GCH1: variants seen among roughly 807,000 people sequenced by gnomAD.
The protein encoded by GCH1 is GTP cyclohydrolase 1, also known as GTP cyclohydrolase I.
Under a neutral mutation model 25.9 loss-of-function variants are expected in GCH1, and 5 were observed. The observed-to-expected ratio is 0.19, with a 90% CI of 0.10 to 0.41. The LOEUF (loss-of-function observed/expected upper bound fraction) is 0.41, where lower values mean the gene tolerates loss of function less well. Ranked by LOEUF, GCH1 falls within the 10% of genes least tolerant of loss-of-function variation. The pLI is 1.00. For synonymous variants in GCH1, 159 were observed against 129.6 expected (o/e 1.23, Z -1.54); for missense variants, 261 against 336.5 (o/e 0.78, Z 1.75).
At chr14:54,900,845 T>TCACA (rs3221690) in intron 1 of GCH1, among the ~76,000 whole-genome samples, 11,231 of 144,584 alleles carry the variant, frequency 0.078, 479 homozygotes, top group Admixed American at 0.11. Context: ...GTGAAATATC[T>TCACA]CACACACACA....
intron 1 of GCH1, among the ~76,000 whole-genome samples, chr14:54,889,118 T>G (rs1024090637): frequency 1.4e-4 from 22 of 152,308 alleles, no homozygotes; most frequent in African/African-American, 5.3e-4. Context: ...TCCTTGAAGC[T>G]GAAGGGCAGA....
chr14:54,859,869 T>G (rs552409923), intron 2 of GCH1, 133 bp from the exon 3 acceptor site: 17 of 689,392 alleles, frequency 2.5e-5, no homozygotes, highest in South Asian at 2.2e-4. Context: ...CTTGAAAACA[T>G]CTGGAACTGT....
At position 54,902,639 on chromosome 14, in the gene GCH1, G is replaced by C; in HGVS notation, c.25C>G (p.Pro9Ala). Reference sequence around the variant, plus strand: ...CTGGCGCCCCGCGGCTTCTCCGCCGGTGCCCGCACAGGGCCCTTCTCCATG... The same window carrying C: ...CTGGCGCCCCGCGGCTTCTCCGCCGCTGCCCGCACAGGGCCCTTCTCCATG... Reference protein sequence around the residue: MEKGPVRAPAEKPRGARCS... With the variant: MEKGPVRAAAEKPRGARCS... The change falls in exon 1 of 6, where the codon CCG (proline) becomes GCG (alanine). Residue 9 changes from proline to alanine, a missense_variant. By Grantham distance (27) the Pro-to-Ala change is conservative. Around this residue, in one of 3 missense-constraint regions of GCH1, gnomAD observed 125 missense variants for 128.7 expected, o/e 0.97. Transcript: ENST00000491895. The C allele has an allele frequency of 4.0e-6, 6 of 1,483,886 alleles. No homozygotes were observed. Among genetic ancestry groups the C allele is most frequent in the Non-Finnish European group, 5.3e-6 (6 of 1,121,662 alleles). The allele number at this position is 1,483,886 out of a possible 1,614,324, so 91.9% of individuals were successfully genotyped here. A position where few individuals can be genotyped will look rare whatever the true frequency, so the allele number is the denominator to read the frequency against.
rs2040590643 is a variant in GCH1, at chr14:54,902,775, A to C, written c.-112T>G. ...GGGCTGTGGCCGGAGTCACCTGAGGAAGGTACGCAACCTGCTTAGATCACA... is the reference window on the plus strand; with the variant it reads ...GGGCTGTGGCCGGAGTCACCTGAGGCAGGTACGCAACCTGCTTAGATCACA... On this transcript the variant is annotated 5_prime_UTR_variant, in exon 1 of 6. Coordinates refer to ENST00000491895, the MANE Select transcript of GCH1 (RefSeq NM_000161.3). 5 of 1,326,370 alleles carry C rather than the reference A, an allele frequency of 3.8e-6. No homozygotes were observed. In the African/African-American group the frequency reaches 7.7e-5, roughly 20 times the overall value. The allele number at this position is 1,326,370 out of a possible 1,614,324, so 82.2% of individuals were successfully genotyped here.
At chr14:54,900,402 G>A (rs2040547824) in intron 1 of GCH1, among the ~76,000 whole-genome samples, 1 of 150,910 alleles carries the variant, frequency 6.6e-6, no homozygotes, top group Non-Finnish European at 1.5e-5. Context: ...AGTAGAGACG[G>A]GGTTTCGCCA....
At chr14:54,855,824 C>T (rs1157498569) in intron 3 of GCH1, among the ~76,000 whole-genome samples, 4 of 151,926 alleles carry the variant, frequency 2.6e-5, no homozygotes, top group African/African-American at 7.3e-5. Flanking sequence ...AAAAAAACAC[C>T]AAATAAAATA....
At chr14:54,854,958 C>T (rs1594978489) in intron 3 of GCH1, among the ~76,000 whole-genome samples, 1 of 152,156 alleles carries the variant, frequency 6.6e-6, no homozygotes, top group Non-Finnish European at 1.5e-5. Flanking sequence ...TTCGGCTACC[C>T]TTTACCCATC....
chr14:54,873,909 A>AGAG, intron 1 of GCH1, among the ~76,000 whole-genome samples: 1 of 152,262 alleles, frequency 6.6e-6, no homozygotes, highest in Admixed American at 6.5e-5. Flanking sequence ...GAATTCTACC[A>AGAG]GACATATAAG....
Position 54,843,233 on chromosome 14 carries a change from G to C in GCH1, c.*784C>G, listed in dbSNP as rs2039587632. On this transcript the variant is annotated 3_prime_UTR_variant, in exon 6 of 6. Coordinates refer to ENST00000491895, the MANE Select transcript of GCH1 (RefSeq NM_000161.3). ...TAGTTATTTGCAGTGTGAGTACTAA[G>C]TCTCATAAAATAATGGCTTTTTTAA... is the stretch of plus-strand genomic sequence containing the variant. 9 of 1,405,062 alleles carry C rather than the reference G, an allele frequency of 6.4e-6. No individual in the cohort carries two copies. Among genetic ancestry groups the C allele is most frequent in the Non-Finnish European group, 8.3e-6 (9 of 1,085,420 alleles). 87.0% of individuals were successfully genotyped at this position (1,405,062 alleles called of 1,614,324 possible). A position where few individuals can be genotyped will look rare whatever the true frequency, so the allele number is the denominator to read the frequency against.
chr14:54,862,954 T>TATA (rs1566667740), intron 2 of GCH1, among the ~76,000 whole-genome samples: 1 of 152,094 alleles, frequency 6.6e-6, no homozygotes, highest in South Asian at 2.1e-4. Flanking sequence ...ACTTAACAGG[T>TATA]ATAACCAAAT....
intron 3 of GCH1, among the ~76,000 whole-genome samples, chr14:54,850,916 G>A (rs1173438882): frequency 1.3e-5 from 2 of 152,136 alleles, no homozygotes; most frequent in Non-Finnish European, 2.9e-5. Context: ...CTTTGCTATT[G>A]TGAATAGTGC....
intron 4 of GCH1, among the ~76,000 whole-genome samples, chr14:54,846,159 G>C (rs1470943135): frequency 6.6e-6 from 1 of 152,132 alleles, no homozygotes; most frequent in Non-Finnish European, 1.5e-5. Context: ...CACAGTACTG[G>C]TTACCAAGCA....
intron 3 of GCH1, among the ~76,000 whole-genome samples, chr14:54,852,792 G>GATAGTTCTACTATCTGCCCTCTTCC (rs1419099332): frequency 6.6e-6 from 1 of 152,054 alleles, no homozygotes; most frequent in East Asian, 1.9e-4. Flanking sequence ...TCCTATCTCT[G>GATAGTTCTACTATCTGCCCTCTTCC]ATAGTTCTAC....
At chr14:54,870,739 C>A (rs946204267) in intron 1 of GCH1, among the ~76,000 whole-genome samples, 1 of 152,206 alleles carries the variant, frequency 6.6e-6, no homozygotes, top group South Asian at 2.1e-4. Context: ...TCCCACAGAT[C>A]CTCGCTCATT....
intron 1 of GCH1, among the ~76,000 whole-genome samples, chr14:54,879,984 CAAAAAAAAAAAA>C (rs35476604): frequency 4.0e-5 from 2 of 49,590 alleles, no homozygotes; most frequent in Non-Finnish European, 7.8e-5. Context: ...GGCTCTGTCT[CAAAAAAAAAAAA>C]AAAAAAAAAA....
chr14:54,880,112 G>C (rs939848446), intron 1 of GCH1, among the ~76,000 whole-genome samples: 4 of 150,004 alleles, frequency 2.7e-5, no homozygotes, highest in Non-Finnish European at 5.9e-5. Context: ...CTGCACTCCA[G>C]TCTGGGCAAC....
chr14:54,882,285 T>C (rs1012583654), intron 1 of GCH1, among the ~76,000 whole-genome samples: 1 of 152,266 alleles, frequency 6.6e-6, no homozygotes, highest in African/African-American at 2.4e-5. Flanking sequence ...GAGATGTGCA[T>C]GGCAGTGGCC....
chr14:54,852,367 A>C (rs1407735828), intron 3 of GCH1, among the ~76,000 whole-genome samples: 1 of 152,232 alleles, frequency 6.6e-6, no homozygotes, highest in East Asian at 1.9e-4. Context: ...ATTCCAGTTC[A>C]AGGTCTCAAG....
At chr14:54,845,639 G>C (rs2039630784) in intron 5 of GCH1, 129 bp downstream of exon 5, 1 of 741,756 alleles carries the variant, frequency 1.3e-6, no homozygotes, top group Non-Finnish European at 2.5e-6. Context: ...TAGGCTCAGG[G>C]ATGGAAATCT....
Sources: gnomAD v4.1 joint callset for allele counts (sites outside exome capture counted in the v4.1 genomes callset) on GRCh38, gnomAD v4.1.1 for gene constraint, gnomAD v4.1.1 regional missense constraint, MANE v1.5 for transcripts, NCBI Gene and HGNC (gene_info 2026-07-23, HGNC 2026-07-21) for gene names.